DLGAP4: variants seen among roughly 807,000 people sequenced by gnomAD.
DLGAP4 encodes DLG associated protein 4.
In DLGAP4, 18 loss-of-function variants were observed where a neutral mutation model predicts 86.9. The observed-to-expected ratio is 0.21, with a 90% CI of 0.14 to 0.31. The LOEUF (loss-of-function observed/expected upper bound fraction) is 0.31, where lower values mean the gene tolerates loss of function less well. Among genes scored for constraint, DLGAP4 ranks in the 10% least tolerant of loss-of-function variants. The pLI, the probability that DLGAP4 is intolerant of heterozygous loss-of-function variation, is 1.00. For synonymous variants in DLGAP4, 548 were observed against 574.3 expected, an observed-to-expected ratio of 0.95 and a Z score of 0.65; for missense variants, 1,085 against 1,362.6, an observed-to-expected ratio of 0.80 and a Z score of 3.21.
At chr20:36,522,757 C>T (rs1256058719) in intron 10 of DLGAP4, among the ~76,000 whole-genome samples, 2 of 152,152 alleles carry the variant, frequency 1.3e-5, no homozygotes, top group African/African-American at 2.4e-5. Flanking sequence ...ACCTTGTGAT[C>T]CACCCGCCTC....
intron 1 of DLGAP4, among the ~76,000 whole-genome samples, chr20:36,315,809 C>T (rs2147337251): frequency 6.6e-6 from 1 of 152,294 alleles, no homozygotes; most frequent in South Asian, 2.1e-4. Context: ...CTTCCCGGCA[C>T]TGGCATGGGG....
At chr20:36,501,776 CAG>C (rs1465035663) in intron 10 of DLGAP4, among the ~76,000 whole-genome samples, 3 of 152,230 alleles carry the variant, frequency 2.0e-5, no homozygotes, top group African/African-American at 7.2e-5. Flanking sequence ...GAAGACTCAT[CAG>C]AGTCATTGTT....
At chr20:36,461,437 G>C (rs1013270993) in intron 7 of DLGAP4, 4 of 880,568 alleles carry the variant, frequency 4.5e-6, no homozygotes, top group Non-Finnish European at 3.8e-6. Flanking sequence ...GGCAGGTGCG[G>C]GACTTTAACC....
At chr20:36,407,330 T>C (rs112904005) in intron 2 of DLGAP4, among the ~76,000 whole-genome samples, 9 of 152,144 alleles carry the variant, frequency 5.9e-5, no homozygotes, top group Admixed American at 2.6e-4. Context: ...CTTCAGTGAA[T>C]GGTGTTCCCC....
chr20:36,410,618 A>T (rs903175122), intron 2 of DLGAP4, among the ~76,000 whole-genome samples: 1 of 152,178 alleles, frequency 6.6e-6, no homozygotes, highest in African/African-American at 2.4e-5. Context: ...GAAAGCAGGC[A>T]GTGTCATATG....
At chr20:36,453,031 C>G (rs1224207529) in intron 7 of DLGAP4, among the ~76,000 whole-genome samples, 2 of 150,780 alleles carry the variant, frequency 1.3e-5, no homozygotes, top group Non-Finnish European at 3.0e-5. Flanking sequence ...CGGGGTTTCA[C>G]CATGTTGGCC....
intron 7 of DLGAP4, among the ~76,000 whole-genome samples, chr20:36,467,841 G>T (rs553196837): frequency 1.3e-5 from 2 of 152,274 alleles, no homozygotes; most frequent in East Asian, 3.9e-4. Context: ...GCTCCACAAG[G>T]GCGCTCATGA....
At chr20:36,355,090 A>G (rs1474794583) in intron 1 of DLGAP4, among the ~76,000 whole-genome samples, 2 of 152,162 alleles carry the variant, frequency 1.3e-5, no homozygotes, top group African/African-American at 4.8e-5. Context: ...TGCAGCCAAC[A>G]CCACAATTCA....
chr20:36,412,390 G>C (rs1268203005), intron 2 of DLGAP4, among the ~76,000 whole-genome samples: 1 of 152,236 alleles, frequency 6.6e-6, no homozygotes, highest in Non-Finnish European at 1.5e-5. Context: ...ACAGTTAGAG[G>C]CTGTGTCCCC....
chr20:36,426,965 C>T (rs1397258626), intron 2 of DLGAP4, among the ~76,000 whole-genome samples: 4 of 151,534 alleles, frequency 2.6e-5, no homozygotes, highest in Non-Finnish European at 5.9e-5. Context: ...ATTGCTTGAG[C>T]CCAGGAGTTC....
chr20:36,420,842 G>A lies in DLGAP4; in HGVS notation c.-72-10804G>A, dbSNP rs188710638. Among the ~76,000 whole-genome samples, 686 of 152,032 alleles carry A rather than the reference G, an allele frequency of 4.5e-3. 7 individuals are homozygous for A. The highest frequency in any genetic ancestry group is 0.016 in the African/African-American group (654 of 41,490). On this transcript the variant is annotated intron_variant, in intron 2 of 12. Transcript: ENST00000339266. ...TTCAAAATTAGCCAGGCGTGGTGGC[G>A]CATGCCTGTAATCCCAGCTACTCTG...
At chr20:36,526,387 T>G (rs2037763565) in intron 12 of DLGAP4, among the ~76,000 whole-genome samples, 1 of 152,146 alleles carries the variant, frequency 6.6e-6, no homozygotes, top group Non-Finnish European at 1.5e-5. Context: ...GCCTCTTCCC[T>G]GAGGCTTCCT....
At chr20:36,451,308 A>G (rs565712732) in intron 7 of DLGAP4, among the ~76,000 whole-genome samples, 2 of 152,068 alleles carry the variant, frequency 1.3e-5, no homozygotes, top group Non-Finnish European at 1.5e-5. Flanking sequence ...AGCTTTCTGT[A>G]GGCCCTTTTG....
At chr20:36,398,788 C>A (rs989851973) in intron 2 of DLGAP4, among the ~76,000 whole-genome samples, 3 of 152,232 alleles carry the variant, frequency 2.0e-5, no homozygotes, top group African/African-American at 7.2e-5. Context: ...CAGATACAGT[C>A]TGACTCTGGC....
At chr20:36,375,737 C>T (rs1212131307) in intron 2 of DLGAP4, among the ~76,000 whole-genome samples, 2 of 152,160 alleles carry the variant, frequency 1.3e-5, no homozygotes, top group East Asian at 3.9e-4. Flanking sequence ...AAGATCTCAC[C>T]TGCCTCCTGT....
chr20:36,474,920 G>C (rs1164016673), intron 7 of DLGAP4, among the ~76,000 whole-genome samples: 1 of 152,208 alleles, frequency 6.6e-6, no homozygotes, highest in Non-Finnish European at 1.5e-5. Flanking sequence ...ACCCAAGCAG[G>C]TAACAAATAA....
chr20:36,327,795 T>G (rs1283549481), intron 1 of DLGAP4, among the ~76,000 whole-genome samples: 1 of 147,256 alleles, frequency 6.8e-6, no homozygotes, highest in Non-Finnish European at 1.5e-5. Flanking sequence ...GTTTCACCGT[T>G]TTAGCCGGGA....
chr20:36,524,178 TA>T (rs1346676260), intron 10 of DLGAP4, 71 bp from the exon 11 acceptor site: 8 of 1,264,550 alleles, frequency 6.3e-6, no homozygotes, highest in Non-Finnish European at 9.3e-6. Flanking sequence ...GGGAGGAGAT[TA>T]AAAGCATGAT....
In DLGAP4 at chr20:36,527,078, AAACTAAGTGCG is replaced by A. The variant is rs761475376; in HGVS notation, c.*51_*61del. On this transcript the variant is annotated 3_prime_UTR_variant, in exon 13 of 13. Transcript: ENST00000339266. ...CGATTTTAAATCATTAAAAACACAAAAACTAAGTGCGAACGGAACAGAGTTTTCTCAACCTT... is the reference window on the plus strand; with the variant it reads ...CGATTTTAAATCATTAAAAACACAAAAACGGAACAGAGTTTTCTCAACCTT... 1.4e-5 allele frequency: 22 copies of A among 1,534,662 alleles called. No homozygotes were observed. The East Asian group carries it at 3.9e-4, about 27-fold the overall frequency.
Sources: gnomAD v4.1 joint callset for allele counts (sites outside exome capture counted in the v4.1 genomes callset) on GRCh38, gnomAD v4.1.1 for gene constraint, MANE v1.5 for transcripts, NCBI Gene and HGNC (gene_info 2026-07-23, HGNC 2026-07-21) for gene names.